Variants in MIR17HG observed in about 807,000 individuals in gnomAD.
MIR17HG encodes the protein miR-17-92a-1 cluster host gene, also known as MIR17 host gene (non-protein coding).
chr13:91,353,184 T>TGG, intron 3 of MIR17HG, among the ~76,000 whole-genome samples: 1 of 151,636 alleles, frequency 6.6e-6, no homozygotes. Flanking sequence ...GGTGTGCTTT[T>TGG]GGGGAGATAC....
chr13:91,352,387 C>T lies in MIR17HG; in HGVS notation n.285-1546C>T, dbSNP rs191849152. 243 of 151,920 alleles carry T rather than the reference C, an allele frequency of 1.6e-3. 1 individual carries two copies. The highest frequency in any genetic ancestry group is 5.8e-3 in the African/African-American group (239 of 41,392). 9.4% of individuals were successfully genotyped at this position (151,920 alleles called of 1,614,324 possible). On this transcript the variant is annotated intron_variant and non_coding_transcript_variant, in intron 3 of 3. Coordinates refer to ENST00000400282, the Ensembl canonical transcript of MIR17HG. ...AAAGGACCAAGTGGTAAAATTGGGC[C>T]CAAGCTGAAGTACAGGCAAACTTGA...
chr13:91,350,475 C>T, intron 3 of MIR17HG: 1 of 426,668 alleles, frequency 2.3e-6, no homozygotes, highest in South Asian at 1.8e-5. Flanking sequence ...TTTTTTCTTC[C>T]CCATTAGGGA....
upstream of MIR17HG, chr13:91,347,711 T>TGCC (rs576468350): frequency 2.6e-4 from 39 of 152,746 alleles, no homozygotes; most frequent in South Asian, 8.1e-4. Context: ...TCCTTCGAGG[T>TGCC]GCCGCCGCCG....
intron 1 of MIR17HG, among the ~76,000 whole-genome samples, chr13:91,348,963 C>T (rs1017277105): frequency 6.7e-6 from 1 of 149,796 alleles, no homozygotes; most frequent in African/African-American, 2.4e-5. Flanking sequence ...GGCGCGCCCG[C>T]GTCCCCGCCG....
At chr13:91,350,129 A>C (rs1013953196) in intron 2 of MIR17HG, 1 of 172,092 alleles carries the variant, frequency 5.8e-6, no homozygotes, top group Non-Finnish European at 1.3e-5. Flanking sequence ...TAGTCTGAAC[A>C]GTAATTTTGT....
intron 1 of MIR17HG, chr13:91,347,986 G>C (rs895322682): frequency 1.3e-5 from 2 of 151,496 alleles, no homozygotes; most frequent in African/African-American, 2.4e-5. Flanking sequence ...CTCCGGCGAC[G>C]GAGGGAAACC....
intron 3 of MIR17HG, among the ~76,000 whole-genome samples, chr13:91,353,557 C>T (rs1242756277): frequency 6.6e-6 from 1 of 152,116 alleles, no homozygotes; most frequent in East Asian, 1.9e-4. Flanking sequence ...AACAAAAAGC[C>T]ATGTAAGTAT....
chr13:91,353,074 C>T (rs1018505888), intron 3 of MIR17HG, among the ~76,000 whole-genome samples: 4 of 139,246 alleles, frequency 2.9e-5, no homozygotes, highest in Non-Finnish European at 4.5e-5. Flanking sequence ...CCTGCCACTG[C>T]ACTCCAGCCT....
rs780315531 is a variant in MIR17HG, at chr13:91,350,911, C to T, written n.284+685C>T. The T allele has an allele frequency of 5.6e-6, 3 of 534,630 alleles. No individual in the cohort carries two copies. The Admixed American group carries it at 5.8e-5, about 10-fold the overall frequency. The allele number at this position is 534,630 out of a possible 1,614,324, so 33.1% of individuals were successfully genotyped here. A position where few individuals can be genotyped will look rare whatever the true frequency, so the allele number is the denominator to read the frequency against. On this transcript the variant is annotated intron_variant and non_coding_transcript_variant, in intron 3 of 3. Coordinates refer to ENST00000400282, the Ensembl canonical transcript of MIR17HG. ...TGTTTGCAGTCCTCTGTTAGTTTTG[C>T]ATAGTTGCACTACAAGAAGAATGTA... is the stretch of plus-strand genomic sequence containing the variant.
chr13:91,351,921 T>G (rs908718462), intron 3 of MIR17HG: 1 of 153,762 alleles, frequency 6.5e-6, no homozygotes, highest in African/African-American at 2.4e-5. Context: ...TGTTAAATGC[T>G]TGTATACTAG....
chr13:91,353,109 CAAAAAAAAAAAA>C (rs549062236), intron 3 of MIR17HG, among the ~76,000 whole-genome samples: 12 of 28,886 alleles, frequency 4.2e-4, no homozygotes, highest in Non-Finnish European at 6.5e-4. Context: ...GACTTAAACG[CAAAAAAAAAAAA>C]AAAAAAAAAA....
chr13:91,348,998 C>T (rs1875130156), intron 1 of MIR17HG, among the ~76,000 whole-genome samples: 1 of 149,050 alleles, frequency 6.7e-6, no homozygotes, highest in African/African-American at 2.4e-5. Context: ...CGCCGCCGGT[C>T]GCCGCGCGGC....
At chr13:91,350,855 C>G (rs759163171) in intron 3 of MIR17HG, 1 of 534,750 alleles carries the variant, frequency 1.9e-6, no homozygotes, top group East Asian at 5.4e-5. Flanking sequence ...TAATTCAAGC[C>G]AAGCAAGTAT....
chr13:91,353,826 A>G (rs1875444453), intron 3 of MIR17HG: 1 of 140,084 alleles, frequency 7.1e-6, no homozygotes, highest in African/African-American at 2.7e-5. Context: ...TTCTATTTTT[A>G]GCCTATATTT....
chr13:91,349,334 C>A (rs1201281551), intron 1 of MIR17HG, among the ~76,000 whole-genome samples: 1 of 151,802 alleles, frequency 6.6e-6, no homozygotes, highest in African/African-American at 2.4e-5. Context: ...CTTGCAGCCA[C>A]GAGGTCTTGA....
intron 1 of MIR17HG, among the ~76,000 whole-genome samples, chr13:91,348,481 G>T (rs1016723316): frequency 6.6e-6 from 1 of 151,148 alleles, no homozygotes; most frequent in African/African-American, 2.4e-5. Flanking sequence ...GTACCTGCGC[G>T]CCAGCGGGCG....
rs138661876 is a variant in MIR17HG, at chr13:91,349,698, T to A, written n.141T>A. ...TTTTCCTTATTTTTCCCTATTCCAG[T>A]CATACACGTGGACCTAACTGCACCA... On this transcript the variant is annotated splice_region_variant and non_coding_transcript_exon_variant, in exon 2 of 4. Transcript: ENST00000400282. 1.6e-3 allele frequency: 240 copies of A among 152,312 alleles called. 1 individual carries two copies. The highest frequency in any genetic ancestry group is 5.3e-3 in the African/African-American group (220 of 41,560). The allele number at this position is 152,312 out of a possible 1,614,324, so 9.4% of individuals were successfully genotyped here.
At chr13:91,353,268 G>A (rs1054195873) in intron 3 of MIR17HG, among the ~76,000 whole-genome samples, 15 of 152,234 alleles carry the variant, frequency 9.9e-5, no homozygotes, top group African/African-American at 3.6e-4. Flanking sequence ...ATTCTAAAAT[G>A]TAAGTCAAAT....
At chr13:91,349,586 G>A (rs1222290128) in intron 1 of MIR17HG, 1 of 152,216 alleles carries the variant, frequency 6.6e-6, no homozygotes, top group Admixed American at 6.5e-5. Context: ...CAAATGGATG[G>A]AATTAATTGC....
Sources: allele counts gnomAD v4.1 joint callset (sites outside exome capture counted in the v4.1 genomes callset), GRCh38; gene constraint gnomAD v4.1.1; transcripts MANE v1.5; gene names NCBI Gene and HGNC (gene_info 2026-07-23, HGNC 2026-07-21).